The following BTD variants were observed in gnomAD, a reference collection of about 807,000 sequenced individuals.
BTD encodes biotinidase, also known as biocytinase.
BTD carries 13 observed loss-of-function variants against 17.7 expected under a neutral mutation model. The ratio of observed to expected loss-of-function variants is 0.74; its 90% CI spans 0.48 to 1.17. The LOEUF is 1.17. Ranked by LOEUF, BTD falls within the 50% of genes most tolerant of loss-of-function variation. BTD has a pLI of 0.00. For missense variants in BTD, 674 were observed against 650.4 expected, an observed-to-expected ratio of 1.04 and a Z score of -0.39; for synonymous variants, 240 against 245.2, an observed-to-expected ratio of 0.98 and a Z score of 0.20.
chr3:15,674,430 G>C (rs913301600), intron 3 of BTD, among the ~76,000 whole-genome samples: 2 of 152,230 alleles, frequency 1.3e-5, no homozygotes, highest in African/African-American at 2.4e-5. Context: ...TCAATGGAGA[G>C]AGCATGATGC....
At position 15,645,283 on chromosome 3, in the gene BTD, C is replaced by A; in HGVS notation, c.1367C>A (p.Thr456Lys). 7 of 1,614,202 alleles carry A rather than the reference C, an allele frequency of 4.3e-6. No homozygotes were observed. The highest frequency in any genetic ancestry group is 5.9e-6 in the Non-Finnish European group (7 of 1,180,040). ...TTCGACACCTGTGGACAGGAAATCA[C>A]AGAGGCCACGGGGATATTTGAGTTT... ...LGFDTCGQEI[T>K]EATGIFEFHL... Residue 456 changes from threonine to lysine, a missense_variant, in exon 4 of 4, where the codon ACA (threonine) becomes AAA (lysine). Transcript: ENST00000643237.
At chr3:15,701,380 C>A (rs1461703490) in intron 3 of BTD, among the ~76,000 whole-genome samples, 1 of 152,180 alleles carries the variant, frequency 6.6e-6, no homozygotes, top group Admixed American at 6.5e-5. Flanking sequence ...TGCAGTGGCT[C>A]ATGCCTGTAA....
chr3:15,685,500 C>T (rs2068006809), intron 3 of BTD: 3 of 1,530,506 alleles, frequency 2.0e-6, no homozygotes, highest in East Asian at 2.3e-5. Context: ...CATTACATGC[C>T]AATTTCAGCT....
chr3:15,667,121 A>T (rs569409763), intron 3 of BTD: 1 of 152,360 alleles, frequency 6.6e-6, no homozygotes, highest in African/African-American at 2.4e-5. Context: ...TTTAAGTCTA[A>T]AACAACTTTG....
At chr3:15,662,293 A>T (rs1294292121) in intron 3 of BTD, among the ~76,000 whole-genome samples, 4 of 152,184 alleles carry the variant, frequency 2.6e-5, no homozygotes, top group African/African-American at 9.7e-5. Context: ...CTACCAATAG[A>T]GTTTTGGAGT....
chr3:15,656,517 C>G (rs940959748), downstream of BTD, among the ~76,000 whole-genome samples: 16 of 152,204 alleles, frequency 1.1e-4, no homozygotes, highest in African/African-American at 3.6e-4. Flanking sequence ...TGTGCTCTTG[C>G]AATCTTGATT....
downstream of BTD, among the ~76,000 whole-genome samples, chr3:15,716,344 T>C (rs1284594855): frequency 1.3e-5 from 2 of 150,466 alleles, no homozygotes; most frequent in Non-Finnish European, 3.0e-5. Context: ...CAGGCTGGAA[T>C]GCAGTGGTGT....
intron 3 of BTD, chr3:15,679,554 G>A: frequency 2.5e-6 from 4 of 1,611,172 alleles, no homozygotes; most frequent in Non-Finnish European, 3.4e-6. Flanking sequence ...TTCTACACAT[G>A]TCTCGTGACC....
intron 3 of BTD, among the ~76,000 whole-genome samples, chr3:15,682,080 CA>C (rs1305641635): frequency 6.6e-6 from 1 of 150,656 alleles, no homozygotes; most frequent in Non-Finnish European, 1.5e-5. Flanking sequence ...TGGGGTGACG[CA>C]AAAAAAATAT....
intron 3 of BTD, chr3:15,689,737 T>C: frequency 3.5e-6 from 1 of 286,036 alleles, no homozygotes; most frequent in Non-Finnish European, 6.5e-6. Context: ...TAAACAACTT[T>C]ATATGAATAT....
intron 2 of BTD, among the ~76,000 whole-genome samples, chr3:15,639,848 G>T (rs1454741069): frequency 6.6e-6 from 1 of 152,178 alleles, no homozygotes; most frequent in East Asian, 1.9e-4. Context: ...TGTGGCTCAT[G>T]CCTGTAATCC....
chr3:15,641,718 A>G (rs535532097), intron 2 of BTD, among the ~76,000 whole-genome samples, 190 bp from the exon 3 acceptor site: 43 of 152,306 alleles, frequency 2.8e-4, no homozygotes, highest in Non-Finnish European at 5.0e-4. Context: ...CTTGGGGATC[A>G]GGTGGAGTGA....
rs778597438 is a variant in BTD at position 15,635,486 on chromosome 3, A to G, written c.47A>G (p.Tyr16Cys). Residue 16 changes from tyrosine (Y) to cysteine (C), a missense_variant, in exon 2 of 4, where the codon TAC becomes TGC. Tyr to Cys is a radical substitution (Grantham distance 194, BLOSUM62 -2). Transcript: ENST00000643237. The surrounding 1 kb of genome is among the most constrained non-coding windows in gnomAD (Gnocchi z 4.1). ...CTTGCTCTTTTCCTCTGCGGCTGTTACGTGGTTGCCCTGGGAGCCCACACC... is the reference window on the plus strand; with the variant it reads ...CTTGCTCTTTTCCTCTGCGGCTGTTGCGTGGTTGCCCTGGGAGCCCACACC... ...SKLALFLCGC[Y>C]VVALGAHTGE... 6.2e-7 allele frequency: 1 copy of G among 1,614,144 alleles called. No homozygotes were observed. The highest frequency in any genetic ancestry group is 1.1e-5 in the South Asian group (1 of 91,086).
At chr3:15,606,350 G>A (rs2064453609) in intron 1 of BTD, 1 of 152,174 alleles carries the variant, frequency 6.6e-6, no homozygotes, top group African/African-American at 2.4e-5. Flanking sequence ...GAGAACCCTA[G>A]CTCTGTTTTC....
chr3:15,699,365 T>C (rs1038289715), intron 3 of BTD, among the ~76,000 whole-genome samples: 1 of 151,994 alleles, frequency 6.6e-6, no homozygotes, highest in Non-Finnish European at 1.5e-5. Context: ...CCAAAAGCAA[T>C]AGCAACAGAA....
chr3:15,602,862 T>C (rs902620954), intron 1 of BTD, among the ~76,000 whole-genome samples: 1 of 152,148 alleles, frequency 6.6e-6, no homozygotes, highest in Non-Finnish European at 1.5e-5. Flanking sequence ...CATACTGCTA[T>C]AAAGAAATAC....
intron 1 of BTD, among the ~76,000 whole-genome samples, chr3:15,626,472 A>G (rs2065067376): frequency 6.6e-6 from 1 of 152,166 alleles, no homozygotes. Context: ...TGGAGGACTC[A>G]GACACTCATG....
chr3:15,610,978 C>T (rs1464615664), intron 1 of BTD, among the ~76,000 whole-genome samples: 1 of 151,076 alleles, frequency 6.6e-6, no homozygotes, highest in Non-Finnish European at 1.5e-5. Flanking sequence ...AAACAGGACT[C>T]CAAAACTCCC....
chr3:15,601,664 G>T, upstream of BTD: 1 of 1,553,550 alleles, frequency 6.4e-7, no homozygotes, highest in Non-Finnish European at 8.7e-7. Context: ...ATGTAAACAC[G>T]CGCGTTCTCC....
Sources: allele counts gnomAD v4.1 joint callset (sites outside exome capture counted in the v4.1 genomes callset), GRCh38; gene constraint gnomAD v4.1.1; non-coding constraint Gnocchi (gnomAD v3.1); transcripts MANE v1.5; gene names NCBI Gene and HGNC (gene_info 2026-07-23, HGNC 2026-07-21).